Variants in DPYD observed in about 807,000 individuals in gnomAD.
DPYD encodes dihydropyrimidine dehydrogenase [NADP(+)].
DPYD carries 109 observed loss-of-function variants against 116.2 expected under a neutral mutation model. That is an observed-to-expected ratio of 0.94 (90% CI 0.80 to 1.10). The LOEUF is 1.10. Ranked by LOEUF, DPYD falls within the 50% of genes least tolerant of loss-of-function variation. DPYD has a pLI of 0.00. For synonymous variants in DPYD, 440 were observed against 432.0 expected (o/e 1.02, Z -0.23); for missense variants, 1,302 against 1,254.5 (o/e 1.04, Z -0.57).
intron 20 of DPYD, among the ~76,000 whole-genome samples, chr1:97,127,022 C>T (rs188093014): frequency 3.7e-4 from 57 of 152,248 alleles, no homozygotes; most frequent in African/African-American, 1.3e-3. Flanking sequence ...GGATGTTGCT[C>T]ACAAAGGGCT....
chr1:97,893,337 C>T (rs1320609957), intron 1 of DPYD, among the ~76,000 whole-genome samples: 1 of 149,604 alleles, frequency 6.7e-6, no homozygotes, highest in East Asian at 2.0e-4. Context: ...ATTTCAAAGG[C>T]AGACTGCCTG....
At chr1:97,388,179 G>A (rs1178139129) in intron 14 of DPYD, among the ~76,000 whole-genome samples, 1 of 152,074 alleles carries the variant, frequency 6.6e-6, no homozygotes, top group Non-Finnish European at 1.5e-5. Flanking sequence ...TTGAACTACT[G>A]AACTGTGGAA....
At chr1:97,590,228 T>C (rs1184819027) in intron 10 of DPYD, among the ~76,000 whole-genome samples, 1 of 152,192 alleles carries the variant, frequency 6.6e-6, no homozygotes, top group Admixed American at 6.5e-5. Flanking sequence ...GAATCAATCC[T>C]GAAAACTTTG....
At chr1:97,724,531 G>C (rs752869016) in intron 4 of DPYD, among the ~76,000 whole-genome samples, 2 of 151,524 alleles carry the variant, frequency 1.3e-5, no homozygotes, top group Non-Finnish European at 3.0e-5. Flanking sequence ...TCTAGTCCAA[G>C]AGTAGGGGAG....
chr1:97,495,833 A>G (rs1679232473), intron 13 of DPYD, among the ~76,000 whole-genome samples: 2 of 152,276 alleles, frequency 1.3e-5, no homozygotes, highest in Middle Eastern at 3.4e-3. Context: ...ATAATTAAAT[A>G]GAATTTGAAA....
At chr1:97,891,805 TTTTA>T (rs1371880995) in intron 1 of DPYD, among the ~76,000 whole-genome samples, 1 of 151,880 alleles carries the variant, frequency 6.6e-6, no homozygotes. Context: ...TGTGGTATTG[TTTTA>T]TATCACAATA....
intron 20 of DPYD, among the ~76,000 whole-genome samples, chr1:97,177,154 C>A (rs546758058): frequency 1.3e-5 from 2 of 152,174 alleles, no homozygotes; most frequent in East Asian, 1.9e-4. Flanking sequence ...AGTCTGTGAT[C>A]CTTTTAAGGG....
intron 14 of DPYD, among the ~76,000 whole-genome samples, chr1:97,399,276 T>C (rs1475734690): frequency 1.3e-5 from 2 of 152,212 alleles, no homozygotes; most frequent in Non-Finnish European, 2.9e-5. Flanking sequence ...GCATTATTTC[T>C]GAGGGCTCTG....
intron 2 of DPYD, among the ~76,000 whole-genome samples, chr1:97,882,830 T>G (rs1458293347): frequency 6.6e-6 from 1 of 152,072 alleles, no homozygotes; most frequent in Admixed American, 6.6e-5. Context: ...CAGATACCAG[T>G]GTATCTATAG....
chr1:97,908,809 TCTC>T (rs1370038515), intron 1 of DPYD, among the ~76,000 whole-genome samples: 11 of 152,156 alleles, frequency 7.2e-5, no homozygotes, highest in Admixed American at 6.6e-4. Context: ...GTCATCTCAT[TCTC>T]CTATGCTGAC....
chr1:97,166,290 T>G (rs1570587447), intron 20 of DPYD, among the ~76,000 whole-genome samples: 1 of 152,136 alleles, frequency 6.6e-6, no homozygotes, highest in African/African-American at 2.4e-5. Context: ...TGCAGGAACA[T>G]GGATGGAGCT....
chr1:97,402,626 G>T (rs927888970), intron 14 of DPYD, among the ~76,000 whole-genome samples: 3 of 151,896 alleles, frequency 2.0e-5, no homozygotes, highest in Non-Finnish European at 4.4e-5. Context: ...TGTCTTATTA[G>T]CTAGAAGTTC....
intron 3 of DPYD, among the ~76,000 whole-genome samples, chr1:97,781,297 T>C (rs1304278119): frequency 6.6e-6 from 1 of 152,220 alleles, no homozygotes; most frequent in African/African-American, 2.4e-5. Flanking sequence ...TTACCTATGA[T>C]TTTAAGACCA....
intron 13 of DPYD, among the ~76,000 whole-genome samples, chr1:97,511,526 T>G (rs1486123233): frequency 6.6e-6 from 1 of 152,030 alleles, no homozygotes; most frequent in East Asian, 1.9e-4. Flanking sequence ...AACAACATTT[T>G]ATTTTAAATA....
At chr1:97,769,993 T>C (rs1666058071) in intron 3 of DPYD, among the ~76,000 whole-genome samples, 1 of 152,180 alleles carries the variant, frequency 6.6e-6, no homozygotes, top group African/African-American at 2.4e-5. Flanking sequence ...GGCTTTTGCA[T>C]AGGAAGCCAG....
chr1:97,553,845 T>C (rs1284723991), intron 11 of DPYD, among the ~76,000 whole-genome samples: 1 of 152,136 alleles, frequency 6.6e-6, no homozygotes, highest in Non-Finnish European at 1.5e-5. Context: ...TATATTATTC[T>C]GCAATTGGAA....
chr1:97,413,440 T>G (rs1674117464), intron 14 of DPYD, among the ~76,000 whole-genome samples: 1 of 152,156 alleles, frequency 6.6e-6, no homozygotes, highest in Admixed American at 6.5e-5. Flanking sequence ...TAGAGGTAGC[T>G]ACTGTCAAGA....
At chr1:97,842,944 T>C (rs1363376124) in intron 2 of DPYD, among the ~76,000 whole-genome samples, 1 of 152,130 alleles carries the variant, frequency 6.6e-6, no homozygotes, top group Non-Finnish European at 1.5e-5. Flanking sequence ...AGATGTTCAA[T>C]AAATATTTGT....
chr1:97,596,150 A>C (rs1654867253), intron 8 of DPYD, among the ~76,000 whole-genome samples: 1 of 152,156 alleles, frequency 6.6e-6, no homozygotes, highest in Admixed American at 6.5e-5. Context: ...TATAAAAGAA[A>C]AAGACAACAG....
Sources: gnomAD v4.1 joint callset for allele counts (sites outside exome capture counted in the v4.1 genomes callset) on GRCh38, gnomAD v4.1.1 for gene constraint, MANE v1.5 for transcripts, NCBI Gene and HGNC (gene_info 2026-07-23, HGNC 2026-07-21) for gene names.